FAM240B: variants seen among roughly 807,000 people sequenced by gnomAD.
The protein encoded by FAM240B is protein FAM240B.
intron 1 of FAM240B, among the ~76,000 whole-genome samples, chr9:38,716,377 C>G (rs550220050): frequency 6.6e-6 from 1 of 152,292 alleles, no homozygotes; most frequent in African/African-American, 2.4e-5. Context: ...GAGGCTGAGG[C>G]AGGAGAATCG....
At chr9:38,695,141 T>C (rs1326068970) in intron 2 of FAM240B, among the ~76,000 whole-genome samples, 1 of 152,148 alleles carries the variant, frequency 6.6e-6, no homozygotes, top group East Asian at 1.9e-4. Context: ...GACGGGTTGA[T>C]AGGTGCAGCA....
At chr9:38,707,613 C>CAAAAAAAAAAAA (rs79179441) in intron 1 of FAM240B, among the ~76,000 whole-genome samples, 3 of 92,328 alleles carry the variant, frequency 3.2e-5, no homozygotes, top group African/African-American at 5.2e-5. Flanking sequence ...CTAAAAAAAA[C>CAAAAAAAAAAAA]AAAAAAAAAA....
intron 2 of FAM240B, among the ~76,000 whole-genome samples, chr9:38,700,368 C>T (rs1821111985): frequency 6.6e-6 from 1 of 152,036 alleles, no homozygotes; most frequent in African/African-American, 2.4e-5. Context: ...TGATGCACCC[C>T]CAGATTTAAT....
At chr9:38,713,312 A>G (rs940449861) in intron 1 of FAM240B, among the ~76,000 whole-genome samples, 1 of 152,018 alleles carries the variant, frequency 6.6e-6, no homozygotes, top group African/African-American at 2.4e-5. Context: ...CCCCATCTCT[A>G]CTAAAAATAC....
At chr9:38,695,820 A>G (rs1246050159) in intron 2 of FAM240B, among the ~76,000 whole-genome samples, 1 of 152,272 alleles carries the variant, frequency 6.6e-6, no homozygotes, top group Non-Finnish European at 1.5e-5. Flanking sequence ...AGTTACCATC[A>G]TCAAGGCAGT....
In FAM240B at chr9:38,707,636, AC is replaced by A. The variant is rs927569207; in HGVS notation, c.-3-3635del. Among the ~76,000 whole-genome samples, 9 of 133,600 alleles carry A rather than the reference AC, an allele frequency of 6.7e-5. No individual in the cohort carries two copies. The East Asian group carries it at 7.8e-4, about 12-fold the overall frequency. 87.6% of individuals were successfully genotyped at this position (133,600 alleles called of 152,430 possible). ...AACAAAAAAAAAAAACAAAAAAAAAACCAAAAAATTAGCTGGGCGTGGTGGC... is the reference window on the plus strand; with the variant it reads ...AACAAAAAAAAAAAACAAAAAAAAAACAAAAAATTAGCTGGGCGTGGTGGC... On this transcript the variant is annotated intron_variant, in intron 1 of 2. Coordinates refer to ENST00000637493, the MANE Select transcript of FAM240B (RefSeq NM_001394922.1).
intron 2 of FAM240B, 54 bp from the exon 3 acceptor site, chr9:38,694,923 G>T: frequency 2.5e-6 from 1 of 398,558 alleles, no homozygotes; most frequent in Non-Finnish European, 4.4e-6. Flanking sequence ...AGCTGTGCTG[G>T]TCGACTGAAC....
rs183991202 is a variant in FAM240B, at chr9:38,704,414, C to A, written c.-3-412G>T. Among the ~76,000 whole-genome samples, 227 of 152,144 alleles carry A rather than the reference C, an allele frequency of 1.5e-3. 1 individual carries two copies. The highest frequency in any genetic ancestry group is 4.7e-3 in the African/African-American group (197 of 41,506). The stretch of plus-strand genomic sequence containing the variant: ...CAGTGGAATGCAATTGCTCTACCTA[C>A]GAATATCAATTTTTTCATTGATGTA... On this transcript the variant is annotated intron_variant, in intron 1 of 2. Transcript: ENST00000637493.
chr9:38,704,618 T>C (rs1055287203), intron 1 of FAM240B, among the ~76,000 whole-genome samples: 5 of 152,250 alleles, frequency 3.3e-5, no homozygotes, highest in African/African-American at 1.2e-4. Flanking sequence ...ATGTGTAAGA[T>C]GCACATCATC....
intron 1 of FAM240B, among the ~76,000 whole-genome samples, chr9:38,717,409 T>C (rs1030628741): frequency 1.1e-4 from 17 of 151,850 alleles, no homozygotes; most frequent in African/African-American, 4.1e-4. Context: ...TGAAACCCCG[T>C]CTCTACTAAA....
In FAM240B at chr9:38,707,793, CAAAAA is replaced by C. The variant is rs11300800; in HGVS notation, c.-3-3796_-3-3792del. 6.6e-4 allele frequency among the ~76,000 whole-genome samples: 72 copies of C among 109,372 alleles called. 1 individual carries two copies. Among genetic ancestry groups the C allele is most frequent in the Non-Finnish European group, 1.0e-3 (56 of 54,616 alleles). 71.8% of individuals were successfully genotyped at this position (109,372 alleles called of 152,430 possible). On this transcript the variant is annotated intron_variant, in intron 1 of 2. Transcript: ENST00000637493. ...TGAGCAACAGAGCAAGACTCGGTCT[CAAAAA>C]AAAAAAAAAAAAAATTAGGGTGAAC... is the stretch of plus-strand genomic sequence containing the variant.
At chr9:38,714,605 C>A (rs561753114) in intron 1 of FAM240B, among the ~76,000 whole-genome samples, 1 of 152,310 alleles carries the variant, frequency 6.6e-6, no homozygotes, top group South Asian at 2.1e-4. Context: ...TTGTGGATAT[C>A]ATGTGTCCCT....
At chr9:38,698,732 A>T (rs1443550068) in intron 2 of FAM240B, among the ~76,000 whole-genome samples, 1 of 151,856 alleles carries the variant, frequency 6.6e-6, no homozygotes, top group Non-Finnish European at 1.5e-5. Context: ...GAAAAAAAAT[A>T]GGAATCTGGG....
intron 2 of FAM240B, among the ~76,000 whole-genome samples, chr9:38,697,144 A>G (rs1174685986): frequency 6.6e-6 from 1 of 152,214 alleles, no homozygotes; most frequent in Admixed American, 6.5e-5. Flanking sequence ...ATTCATTAAC[A>G]AAAGGGACTG....
intron 1 of FAM240B, among the ~76,000 whole-genome samples, chr9:38,719,478 C>G (rs556882538): frequency 6.6e-6 from 1 of 152,126 alleles, no homozygotes; most frequent in African/African-American, 2.4e-5. Flanking sequence ...GTGTGAGGCT[C>G]ATGCACTTGA....
At chr9:38,701,281 C>A (rs775026451) in intron 2 of FAM240B, among the ~76,000 whole-genome samples, 24 of 152,038 alleles carry the variant, frequency 1.6e-4, no homozygotes, top group Non-Finnish European at 2.8e-4. Flanking sequence ...TGCAAGTACA[C>A]GTTGGGAGAT....
At chr9:38,698,957 G>C (rs1040634170) in intron 2 of FAM240B, among the ~76,000 whole-genome samples, 9 of 152,094 alleles carry the variant, frequency 5.9e-5, no homozygotes, top group African/African-American at 2.2e-4. Flanking sequence ...TTTATATGTA[G>C]GGCTTTCCTT....
At chr9:38,711,659 CTTTTT>C (rs71365908) in intron 1 of FAM240B, among the ~76,000 whole-genome samples, 17 of 139,028 alleles carry the variant, frequency 1.2e-4, no homozygotes, top group East Asian at 8.3e-4. Flanking sequence ...CTTTCTTCTT[CTTTTT>C]TTTTTTTTTT....
At chr9:38,715,427 A>C (rs1821295362) in intron 1 of FAM240B, among the ~76,000 whole-genome samples, 1 of 152,212 alleles carries the variant, frequency 6.6e-6, no homozygotes, top group Admixed American at 6.5e-5. Flanking sequence ...CCTAATTTAT[A>C]TCCTTATGTA....
Sources: gnomAD v4.1 joint callset for allele counts (sites outside exome capture counted in the v4.1 genomes callset) on GRCh38, gnomAD v4.1.1 for gene constraint, MANE v1.5 for transcripts, NCBI Gene and HGNC (gene_info 2026-07-23, HGNC 2026-07-21) for gene names.